Variants in WDR49 observed in about 807,000 individuals in gnomAD.
The protein encoded by WDR49 is cilia- and flagella-associated protein 337.
Under a neutral mutation model 119.5 loss-of-function variants are expected in WDR49, and 107 were observed. That is an observed-to-expected ratio of 0.90 (90% CI 0.77 to 1.05). The LOEUF is 1.05. Among genes scored for constraint, WDR49 ranks in the 50% least tolerant of loss-of-function variants. WDR49 has a pLI of 0.00. For missense variants in WDR49, 1,240 were observed against 1,220.5 expected, an observed-to-expected ratio of 1.02 and a Z score of -0.24; for synonymous variants, 425 against 418.8, an observed-to-expected ratio of 1.01 and a Z score of -0.18.
At chr3:167,644,306 C>T (rs1718018579) in intron 2 of WDR49, among the ~76,000 whole-genome samples, 1 of 152,034 alleles carries the variant, frequency 6.6e-6, no homozygotes, top group Non-Finnish European at 1.5e-5. Context: ...ATTTTAAGAA[C>T]ATTTATGTTT....
At position 167,653,367 on chromosome 3, in the gene WDR49, C is replaced by A; in HGVS notation, c.59G>T (p.Ser20Ile). 1 of 1,535,970 alleles carries A rather than the reference C, an allele frequency of 6.5e-7. No homozygotes were observed. Among genetic ancestry groups the A allele is most frequent in the East Asian group, 2.4e-5 (1 of 40,894 alleles). The change falls in exon 2 of 19, where the codon AGT becomes ATT. Residue 20 changes from serine (S) to isoleucine (I), a missense_variant. Coordinates refer to ENST00000682715, the MANE Select transcript of WDR49 (RefSeq NM_001366157.1). ...AGTTACACCTTCTGTTCTCTCAGGACTCTTTGGCCCAAGCTGTGACCCTAT... is the reference window on the plus strand; with the variant it reads ...AGTTACACCTTCTGTTCTCTCAGGAATCTTTGGCCCAAGCTGTGACCCTAT... Reference protein sequence around the residue: ...LNIGSQLGPKSPERTEGVTAF... With the variant: ...LNIGSQLGPKIPERTEGVTAF...
chr3:167,503,891 C>T (rs1429161132), intron 17 of WDR49, among the ~76,000 whole-genome samples: 2 of 152,210 alleles, frequency 1.3e-5, no homozygotes, highest in Non-Finnish European at 2.9e-5. Flanking sequence ...CGATGCTTGT[C>T]CCTCCCGCTG....
chr3:167,573,379 C>T (rs531897292), intron 8 of WDR49, among the ~76,000 whole-genome samples: 1 of 142,168 alleles, frequency 7.0e-6, no homozygotes, highest in South Asian at 2.3e-4. Context: ...ATCCAAATAG[C>T]TTTATGTGGA....
chr3:167,636,016 T>C (rs924427102), intron 2 of WDR49, among the ~76,000 whole-genome samples: 13 of 151,834 alleles, frequency 8.6e-5, no homozygotes, highest in African/African-American at 3.1e-4. Flanking sequence ...TTTGGTTACA[T>C]GAGTAAGTTT....
intron 18 of WDR49, among the ~76,000 whole-genome samples, chr3:167,479,468 A>C (rs1168611991): frequency 6.6e-6 from 1 of 152,196 alleles, no homozygotes; most frequent in Non-Finnish European, 1.5e-5. Flanking sequence ...AATTATTTCC[A>C]TGAGTGGTTA....
intron 2 of WDR49, among the ~76,000 whole-genome samples, chr3:167,629,447 G>A (rs1418719098): frequency 1.3e-5 from 2 of 152,018 alleles, no homozygotes; most frequent in African/African-American, 2.4e-5. Context: ...GAGCTCCAAC[G>A]GAGATGTACA....
intron 18 of WDR49, among the ~76,000 whole-genome samples, chr3:167,486,264 A>G (rs746730782): frequency 1.1e-4 from 16 of 152,092 alleles, no homozygotes; most frequent in Non-Finnish European, 2.1e-4. Flanking sequence ...TCCTAAATAT[A>G]GAACCAAAAG....
At chr3:167,539,545 T>C (rs1029693403) in intron 10 of WDR49, among the ~76,000 whole-genome samples, 8 of 152,188 alleles carry the variant, frequency 5.3e-5, no homozygotes, top group Non-Finnish European at 2.9e-5. Context: ...TTTAATGTTA[T>C]ACAGTTTCAG....
chr3:167,517,159 G>GA (rs1356075968), intron 16 of WDR49, among the ~76,000 whole-genome samples: 1 of 151,906 alleles, frequency 6.6e-6, no homozygotes, highest in Non-Finnish European at 1.5e-5. Context: ...GACAGAATTA[G>GA]AAAAAAACTA....
intron 11 of WDR49, among the ~76,000 whole-genome samples, chr3:167,534,817 C>G (rs749972018): frequency 8.5e-5 from 13 of 152,110 alleles, no homozygotes; most frequent in Non-Finnish European, 1.8e-4. Context: ...ATTTTAAGAG[C>G]TTGGATTTGT....
At chr3:167,493,570 G>A (rs1238207954) in intron 18 of WDR49, among the ~76,000 whole-genome samples, 2 of 152,062 alleles carry the variant, frequency 1.3e-5, no homozygotes, top group East Asian at 3.9e-4. Context: ...ACTCTTCCTT[G>A]GTCAATATAT....
chr3:167,502,287 A>G (rs1751602028), intron 17 of WDR49, among the ~76,000 whole-genome samples: 1 of 152,200 alleles, frequency 6.6e-6, no homozygotes, highest in African/African-American at 2.4e-5. Flanking sequence ...CCGTGATCCA[A>G]TTAAACCCCT....
intron 8 of WDR49, among the ~76,000 whole-genome samples, chr3:167,563,898 T>G (rs1713430095): frequency 6.6e-6 from 1 of 152,220 alleles, no homozygotes; most frequent in Non-Finnish European, 1.5e-5. Flanking sequence ...CTATTATATG[T>G]TAGCCATTTC....
chr3:167,649,290 C>T (rs1718265921), intron 2 of WDR49, among the ~76,000 whole-genome samples: 1 of 151,884 alleles, frequency 6.6e-6, no homozygotes, highest in South Asian at 2.1e-4. Flanking sequence ...GGAAGCTTGA[C>T]AGTTTAGAAA....
chr3:167,616,180 G>C lies in WDR49; in HGVS notation c.958+4249C>G, dbSNP rs192750579. Among the ~76,000 whole-genome samples the C allele has an allele frequency of 1.8e-3, 269 of 152,282 alleles. 4 individuals are homozygous for C. Among genetic ancestry groups the C allele is most frequent in the African/African-American group, 6.3e-3 (263 of 41,558 alleles). On this transcript the variant is annotated intron_variant, in intron 5 of 18. Transcript: ENST00000682715. ...ATAGAAGCTCCTATCCTTGCAGCTG[G>C]TAAAGGGTTGTTAAGGTGACTGAAA...
chr3:167,566,722 A>C (rs1034745053), intron 8 of WDR49: 4 of 441,512 alleles, frequency 9.1e-6, no homozygotes, highest in Non-Finnish European at 1.6e-5. Context: ...GTTGATTAAC[A>C]CACATTTTGT....
rs763575004 is a variant in WDR49, at chr3:167,560,187, C to G, written c.1551G>C (p.Met517Ile). ...SDTGSTVSFW[M>I]IDTGQKIKQF... is the part of the protein sequence containing the mutation. Reference sequence around the variant, plus strand: ...GTTTGATTTTCTGCCCAGTGTCTATCATCCAGAAGGAAACAGTAGACCCTG... The same window carrying G: ...GTTTGATTTTCTGCCCAGTGTCTATGATCCAGAAGGAAACAGTAGACCCTG... Residue 517 changes from methionine (M) to isoleucine (I), a missense_variant, in exon 9 of 19, where the codon ATG becomes ATC. Physicochemically the swap from Met to Ile is conservative, Grantham distance 10. Coordinates refer to ENST00000682715, the MANE Select transcript of WDR49 (RefSeq NM_001366157.1). 6.2e-7 allele frequency: 1 copy of G among 1,614,072 alleles called. No homozygotes were observed. The highest frequency in any genetic ancestry group is 1.3e-5 in the African/African-American group (1 of 74,932).
At chr3:167,624,525 C>T (rs776268346) in intron 3 of WDR49, among the ~76,000 whole-genome samples, 1 of 151,886 alleles carries the variant, frequency 6.6e-6, no homozygotes, top group East Asian at 1.9e-4. Context: ...TTAATATGTT[C>T]ATTGTCTTCT....
chr3:167,516,208 C>A (rs1752194503), intron 16 of WDR49, among the ~76,000 whole-genome samples: 1 of 152,056 alleles, frequency 6.6e-6, no homozygotes, highest in South Asian at 2.1e-4. Flanking sequence ...AGTAACTCAT[C>A]ATTTAACATT....
Sources: gnomAD v4.1 joint callset for allele counts (sites outside exome capture counted in the v4.1 genomes callset) on GRCh38, gnomAD v4.1.1 for gene constraint, MANE v1.5 for transcripts, NCBI Gene and HGNC (gene_info 2026-07-23, HGNC 2026-07-21) for gene names.